MOCOS: variants seen among roughly 807,000 people sequenced by gnomAD.
MOCOS encodes the protein molybdenum cofactor sulfurase, also known as human molybdenum cofactor sulfurase.
Under a neutral mutation model 83.6 loss-of-function variants are expected in MOCOS, and 86 were observed. The observed-to-expected ratio is 1.03, with a 90% CI of 0.86 to 1.23. The LOEUF is 1.23. Among genes scored for constraint, MOCOS ranks in the 50% most tolerant of loss-of-function variants. The pLI is 0.00. For synonymous variants in MOCOS, 445 were observed against 434.7 expected, an observed-to-expected ratio of 1.02 and a Z score of -0.29; for missense variants, 1,120 against 1,126.9, an observed-to-expected ratio of 0.99 and a Z score of 0.09.
chr18:36,245,753 G>T (rs749418846), intron 9 of MOCOS, among the ~76,000 whole-genome samples: 1 of 152,080 alleles, frequency 6.6e-6, no homozygotes, highest in Non-Finnish European at 1.5e-5. Context: ...CTTCCTCAGG[G>T]ACACCAATTA....
Position 36,215,872 on chromosome 18 carries a change from G to A in MOCOS, c.1692G>A (p.Gln564=), listed in dbSNP as rs1598878424. 1 of 1,614,184 alleles carries A rather than the reference G, an allele frequency of 6.2e-7. No individual in the cohort carries two copies. Among genetic ancestry groups the A allele is most frequent in the South Asian group, 1.1e-5 (1 of 91,082 alleles). The change falls in exon 8 of 15, where the codon CAG becomes CAA. Residue 564 remains glutamine, a synonymous_variant. Transcript: ENST00000261326. ...CTGTGTGTGATGTCGCCAGAACCCA[G>A]CCGACTCCTTCAGAGAAAGCTGCAG... ...APPVCDVART[Q]PTPSEKAAGV... is the part of the protein sequence containing the mutation.
chr18:36,261,336 G>C (rs2091662729), intron 13 of MOCOS, among the ~76,000 whole-genome samples: 1 of 151,990 alleles, frequency 6.6e-6, no homozygotes, highest in Non-Finnish European at 1.5e-5. Context: ...TGCTCAACTG[G>C]TTAAGTATAC....
At chr18:36,235,907 T>G (rs2091556764) in intron 9 of MOCOS, among the ~76,000 whole-genome samples, 1 of 152,032 alleles carries the variant, frequency 6.6e-6, no homozygotes, top group South Asian at 2.1e-4. Flanking sequence ...TTTCATGTGT[T>G]TTTTGCCTGT....
intron 9 of MOCOS, among the ~76,000 whole-genome samples, chr18:36,225,142 C>CT (rs950334163): frequency 2.3e-4 from 35 of 150,780 alleles, no homozygotes; most frequent in Non-Finnish European, 2.5e-4. Flanking sequence ...TTTTTCTTTT[C>CT]TTTTTTTTTG....
In MOCOS at chr18:36,195,234, ATTTATTTTG is replaced by A. The variant is rs749356320; in HGVS notation, c.143-21_143-13del. On this transcript the variant is annotated splice_polypyrimidine_tract_variant and intron_variant, in intron 1 of 14. Transcript: ENST00000261326. Reference sequence around the variant, plus strand: ...AACCAGATTCAGGTAAAATTTTAGTATTTATTTTGTGTTTTCTTTCAGGAACTGTCTATC... The same window carrying A: ...AACCAGATTCAGGTAAAATTTTAGTATGTTTTCTTTCAGGAACTGTCTATC... 6.4e-4 allele frequency: 1,027 copies of A among 1,605,354 alleles called. 2 individuals are homozygous for A. The highest frequency in any genetic ancestry group is 6.7e-4 in the Non-Finnish European group (780 of 1,172,218).
At chr18:36,221,405 G>A (rs1004363061) in intron 9 of MOCOS, among the ~76,000 whole-genome samples, 4 of 151,640 alleles carry the variant, frequency 2.6e-5, no homozygotes, top group Non-Finnish European at 5.9e-5. Flanking sequence ...GCACACATAC[G>A]TACATACATA....
chr18:36,214,905 C>T (rs538243865), intron 7 of MOCOS, among the ~76,000 whole-genome samples: 1 of 152,348 alleles, frequency 6.6e-6, no homozygotes, highest in Non-Finnish European at 1.5e-5. Flanking sequence ...ATGCACTGTG[C>T]TGACCTGTGA....
chr18:36,236,019 T>C (rs971766538), intron 9 of MOCOS, among the ~76,000 whole-genome samples: 29 of 144,784 alleles, frequency 2.0e-4, no homozygotes, highest in Middle Eastern at 3.4e-3. Flanking sequence ...TCATTGTAGA[T>C]TCTGGATATT....
In MOCOS at chr18:36,224,209, T is replaced by A. The variant is rs2091507351; in HGVS notation, c.1960+3992T>A. On this transcript the variant is annotated intron_variant, in intron 9 of 14. Coordinates refer to ENST00000261326, the MANE Select transcript of MOCOS (RefSeq NM_017947.4). ...AATGGAGTATTTAGAATTTTTTGAA[T>A]ATATAAGATCATGTTTTTTGATCAA... 2.0e-5 allele frequency among the ~76,000 whole-genome samples: 3 copies of A among 152,332 alleles called. No individual in the cohort carries two copies. In the South Asian group the frequency reaches 6.2e-4, roughly 32 times the overall value.
At chr18:36,222,589 TTTTTTTAA>T (rs2091500406) in intron 9 of MOCOS, among the ~76,000 whole-genome samples, 1 of 146,540 alleles carries the variant, frequency 6.8e-6, no homozygotes, top group Non-Finnish European at 1.5e-5. Context: ...ACCCATTTTT[TTTTTTTAA>T]TTTTTTAATT....
chr18:36,195,250 C>T lies in MOCOS; in HGVS notation c.143-7C>T. 1 of 1,613,404 alleles carries T rather than the reference C, an allele frequency of 6.2e-7. No individual in the cohort carries two copies. Among genetic ancestry groups the T allele is most frequent in the South Asian group, 1.1e-5 (1 of 91,056 alleles). ...AATTTTAGTATTTATTTTGTGTTTT[C>T]TTTCAGGAACTGTCTATCTTGACCA... On this transcript the variant is annotated splice_region_variant and splice_polypyrimidine_tract_variant and intron_variant, in intron 1 of 14. Transcript: ENST00000261326.
intron 1 of MOCOS, among the ~76,000 whole-genome samples, chr18:36,192,374 A>G (rs2091369275): frequency 6.6e-6 from 1 of 152,256 alleles, no homozygotes; most frequent in Admixed American, 6.5e-5. Flanking sequence ...AAATAATAAA[A>G]TACACAGAAA....
intron 9 of MOCOS, among the ~76,000 whole-genome samples, chr18:36,244,359 C>T (rs2091595288): frequency 6.6e-6 from 1 of 151,996 alleles, no homozygotes; most frequent in Non-Finnish European, 1.5e-5. Context: ...TTTTAAATTC[C>T]ATCTTGATTT....
chr18:36,197,095 A>T (rs1448361993), intron 2 of MOCOS, among the ~76,000 whole-genome samples: 1 of 152,092 alleles, frequency 6.6e-6, no homozygotes, highest in African/African-American at 2.4e-5. Context: ...GAAGAGTGAC[A>T]TTGGGAGGAG....
intron 11 of MOCOS, among the ~76,000 whole-genome samples, chr18:36,254,081 C>T (rs1236462316): frequency 1.3e-5 from 2 of 152,140 alleles, no homozygotes; most frequent in African/African-American, 4.8e-5. Flanking sequence ...TCTTCCTGCT[C>T]CCTGCACGAT....
intron 9 of MOCOS, among the ~76,000 whole-genome samples, chr18:36,232,159 G>T (rs1243237255): frequency 6.6e-6 from 1 of 152,112 alleles, no homozygotes; most frequent in Non-Finnish European, 1.5e-5. Flanking sequence ...ATTTTCAGTA[G>T]AGATGGGGTT....
At chr18:36,235,901 A>G (rs569236400) in intron 9 of MOCOS, among the ~76,000 whole-genome samples, 175 of 151,698 alleles carry the variant, frequency 1.2e-3, no homozygotes, top group African/African-American at 1.6e-3. Context: ...GCATTTTTTC[A>G]TGTGTTTTTT....
chr18:36,208,100 T>G (rs984817488), intron 6 of MOCOS, among the ~76,000 whole-genome samples: 3 of 152,086 alleles, frequency 2.0e-5, no homozygotes, highest in Non-Finnish European at 4.4e-5. Context: ...GATCTGAGGG[T>G]TGTAGGTGTG....
At chr18:36,251,387 T>C in intron 11 of MOCOS, 104 bp downstream of exon 11, 1 of 1,465,216 alleles carries the variant, frequency 6.8e-7, no homozygotes, top group Non-Finnish European at 9.5e-7. Flanking sequence ...TGCTGATGTA[T>C]GGAAAGCAGG....
Sources: gnomAD v4.1 joint callset for allele counts (sites outside exome capture counted in the v4.1 genomes callset) on GRCh38, gnomAD v4.1.1 for gene constraint, MANE v1.5 for transcripts, NCBI Gene and HGNC (gene_info 2026-07-23, HGNC 2026-07-21) for gene names.